Variants in RELN observed in about 807,000 individuals in gnomAD.
The protein encoded by RELN is reelin.
RELN carries 108 observed loss-of-function variants against 427.6 expected under a neutral mutation model. That is an observed-to-expected ratio of 0.25 (90% CI 0.22 to 0.30). The LOEUF is 0.30. RELN is among the 10% of genes least tolerant of loss of function. RELN has a pLI of 1.00. For synonymous variants in RELN, 1,524 were observed against 1,513.4 expected (o/e 1.01, Z -0.16); for missense variants, 3,715 against 4,302.8 (o/e 0.86, Z 3.82).
intron 4 of RELN, among the ~76,000 whole-genome samples, chr7:103,761,686 G>A (rs1458088793): frequency 6.6e-6 from 1 of 151,952 alleles, no homozygotes; most frequent in Non-Finnish European, 1.5e-5. Flanking sequence ...GAACTCCTGG[G>A]CTCAAGCAAT....
At chr7:103,959,808 C>T (rs1256722152) in intron 1 of RELN, among the ~76,000 whole-genome samples, 1 of 152,072 alleles carries the variant, frequency 6.6e-6, no homozygotes, top group Non-Finnish European at 1.5e-5. Flanking sequence ...GATGGGGTCT[C>T]ACTATGTTTC....
chr7:103,642,435 A>G (rs1374167982), intron 16 of RELN, among the ~76,000 whole-genome samples: 2 of 150,874 alleles, frequency 1.3e-5, no homozygotes, highest in African/African-American at 4.9e-5. Context: ...AAAGAAGCCA[A>G]AGAGTGGGTC....
chr7:103,919,427 T>C (rs1795564354), intron 1 of RELN, among the ~76,000 whole-genome samples: 4 of 152,126 alleles, frequency 2.6e-5, no homozygotes, highest in Admixed American at 2.6e-4. Flanking sequence ...TTTGAATCTA[T>C]GTCAGGAACA....
chr7:103,821,823 T>TA (rs1363094196), intron 3 of RELN, among the ~76,000 whole-genome samples: 2 of 152,178 alleles, frequency 1.3e-5, no homozygotes, highest in African/African-American at 2.4e-5. Context: ...ATCTTTCCTA[T>TA]AAAATTTAGG....
At chr7:103,478,245 A>G (rs1828105158) in intron 64 of RELN, 144 bp downstream of exon 64, 2 of 609,648 alleles carry the variant, frequency 3.3e-6, no homozygotes, top group East Asian at 2.8e-5. Context: ...GTTCCACTAT[A>G]TACCAGTATC....
At chr7:103,959,392 C>T (rs980547825) in intron 1 of RELN, among the ~76,000 whole-genome samples, 1 of 152,204 alleles carries the variant, frequency 6.6e-6, no homozygotes, top group Non-Finnish European at 1.5e-5. Context: ...CCAAACCCCT[C>T]CCAAGAATTC....
At chr7:103,520,868 T>C (rs981111129) in intron 48 of RELN, among the ~76,000 whole-genome samples, 14 of 152,016 alleles carry the variant, frequency 9.2e-5, no homozygotes, top group African/African-American at 2.7e-4. Flanking sequence ...AGCTAAAATG[T>C]TGAATATAAA....
chr7:103,646,073 T>A (rs190871059), intron 16 of RELN, among the ~76,000 whole-genome samples: 48 of 151,820 alleles, frequency 3.2e-4, no homozygotes, highest in African/African-American at 1.1e-3. Context: ...TTAAAAAAAA[T>A]TTTGAAATGA....
At chr7:103,755,798 G>A (rs1168050102) in intron 4 of RELN, among the ~76,000 whole-genome samples, 1 of 122,518 alleles carries the variant, frequency 8.2e-6, no homozygotes, top group African/African-American at 3.2e-5. Context: ...GGGGGACAGA[G>A]TGAGACTCCA....
chr7:103,503,127 C>T lies in RELN; in HGVS notation c.8378G>A (p.Cys2793Tyr), dbSNP rs774015567. 5 of 1,614,166 alleles carry T rather than the reference C, an allele frequency of 3.1e-6. No homozygotes were observed. The Admixed American group carries it at 5.0e-5, about 16-fold the overall frequency. The stretch of plus-strand genomic sequence containing the variant: ...AGAGCATTTTGGGTCAGCAGGCAAG[C>T]ACTGAGGGACCAGATAATTCCAACT... ...GVSWNYLVPQ[C>Y]LPADPKCSGS... The change falls in exon 52 of 65, where the codon TGC becomes TAC. Residue 2793 changes from cysteine to tyrosine, a missense_variant. Cys to Tyr is a radical substitution (Grantham distance 194, BLOSUM62 -2). This residue lies in a region of RELN where 1,310 missense variants were observed against 1,643.0 expected (regional missense o/e 0.80). Coordinates refer to ENST00000428762, the MANE Select transcript of RELN (RefSeq NM_005045.4).
intron 27 of RELN, among the ~76,000 whole-genome samples, chr7:103,591,281 T>G (rs541223811): frequency 1.3e-5 from 2 of 152,244 alleles, no homozygotes; most frequent in South Asian, 2.1e-4. Context: ...GAAGGAAAAT[T>G]GAAATCAGGA....
chr7:103,920,572 T>C (rs905843534), intron 1 of RELN, among the ~76,000 whole-genome samples: 3 of 113,236 alleles, frequency 2.6e-5, no homozygotes, highest in African/African-American at 1.3e-4. Flanking sequence ...CTTTGGTTTT[T>C]TTTTTTGTTT....
At chr7:103,515,058 C>A (rs759446610) in intron 50 of RELN, 127 bp downstream of exon 50, 66 of 1,157,408 alleles carry the variant, frequency 5.7e-5, no homozygotes, top group Admixed American at 9.8e-5. Context: ...AAGGATGACA[C>A]CCTTTTCAGC....
chr7:103,585,820 C>G (rs369844283), intron 28 of RELN, among the ~76,000 whole-genome samples: 1 of 152,112 alleles, frequency 6.6e-6, no homozygotes, highest in East Asian at 1.9e-4. Flanking sequence ...AAAATACCAG[C>G]AAACTGAAAA....
At chr7:103,933,032 G>C (rs957978444) in intron 1 of RELN, among the ~76,000 whole-genome samples, 1 of 152,190 alleles carries the variant, frequency 6.6e-6, no homozygotes, top group Non-Finnish European at 1.5e-5. Flanking sequence ...TCTAGGGCAA[G>C]ACACTCTGGT....
rs143602947 is a variant in RELN at position 103,900,320 on chromosome 7, C to T, written c.337+16755G>A. Among the ~76,000 whole-genome samples the T allele has an allele frequency of 2.0e-3, 304 of 151,976 alleles. 1 individual carries two copies. The highest frequency in any genetic ancestry group is 6.6e-3 in the African/African-American group (272 of 41,486). On this transcript the variant is annotated intron_variant, in intron 2 of 64. Transcript: ENST00000428762. ...GAGGACACAAACAAATGGAATAACA[C>T]CCCATGCTCATGTATAGGAAGAATC...
At chr7:103,613,209 G>T (rs976819620) in intron 20 of RELN, among the ~76,000 whole-genome samples, 7 of 152,084 alleles carry the variant, frequency 4.6e-5, no homozygotes, top group African/African-American at 1.7e-4. Flanking sequence ...AATCAGCTTT[G>T]CCTGACTCTA....
intron 48 of RELN, among the ~76,000 whole-genome samples, chr7:103,520,594 A>T (rs1829677190): frequency 6.6e-6 from 1 of 152,124 alleles, no homozygotes; most frequent in Admixed American, 6.5e-5. Context: ...CTATTTTAAT[A>T]TGAAATTTAA....
At chr7:103,983,446 A>C (rs1399398096) in intron 1 of RELN, among the ~76,000 whole-genome samples, 1 of 152,216 alleles carries the variant, frequency 6.6e-6, no homozygotes, top group Non-Finnish European at 1.5e-5. Context: ...TTCATGCGGA[A>C]TGTCCTAAGA....
Sources: gnomAD v4.1 joint callset for allele counts (sites outside exome capture counted in the v4.1 genomes callset) on GRCh38, gnomAD v4.1.1 for gene constraint, gnomAD v4.1.1 regional missense constraint, MANE v1.5 for transcripts, NCBI Gene and HGNC (gene_info 2026-07-23, HGNC 2026-07-21) for gene names.